The following RTL4 variants were observed in gnomAD, a reference collection of about 807,000 sequenced individuals.
RTL4 encodes retrotransposon Gag-like protein 4.
In RTL4, 4 loss-of-function variants were observed where a neutral mutation model predicts 5.3. The observed-to-expected ratio is 0.75, with a 90% CI of 0.37 to 1.72. The LOEUF is 1.72. Among genes scored for constraint, RTL4 ranks in the 40% most tolerant of loss-of-function variants. RTL4 has a pLI of 0.04. For missense variants in RTL4, 260 were observed against 227.1 expected (o/e 1.14, Z -0.93); for synonymous variants, 98 against 87.3 (o/e 1.12, Z -0.68).
chrX:112,251,070 C>T, the RTL4 span, among the ~76,000 whole-genome samples: 1 of 111,691 alleles, frequency 9.0e-6, no homozygotes, highest in Admixed American at 9.5e-5. Context: ...TTACATATAA[C>T]AACTCATTTA....
At chrX:112,195,570 A>G in the RTL4 span, among the ~76,000 whole-genome samples, 1 of 111,442 alleles carries the variant, frequency 9.0e-6, no homozygotes, top group South Asian at 3.8e-4. Context: ...TAGACCCTCT[A>G]ACTCAAAACA....
the RTL4 span, among the ~76,000 whole-genome samples, chrX:112,094,438 G>A: frequency 1.8e-5 from 2 of 110,912 alleles, no homozygotes; most frequent in African/African-American, 3.3e-5. Context: ...AAGGGGAGAT[G>A]TTAGAGAGTT....
At chrX:112,415,451 T>C in the RTL4 span, among the ~76,000 whole-genome samples, 6 of 111,703 alleles carry the variant, frequency 5.4e-5, no homozygotes, top group African/African-American at 2.0e-4. Flanking sequence ...TTATTCATTT[T>C]ACTGTAAATG....
At chrX:112,136,823 C>A in the RTL4 span, among the ~76,000 whole-genome samples, 1 of 111,577 alleles carries the variant, frequency 9.0e-6, no homozygotes, top group Admixed American at 9.5e-5. Flanking sequence ...TGTTTTTATG[C>A]CAGTTTTATA....
exon 1 of RTL4, chrX:112,454,931 C>T (rs746259319): frequency 5.8e-6 from 7 of 1,210,159 alleles, no homozygotes; most frequent in Non-Finnish European, 7.8e-6. Context: ...CATGGTGACC[C>T]TGCCAATTGC....
chrX:112,414,786 T>C, the RTL4 span, among the ~76,000 whole-genome samples: 2 of 111,639 alleles, frequency 1.8e-5, no homozygotes, highest in African/African-American at 6.5e-5. Flanking sequence ...ATGTGACAGG[T>C]TTGGCCTAAC....
chrX:112,093,839 C>A, the RTL4 span, among the ~76,000 whole-genome samples: 2 of 111,508 alleles, frequency 1.8e-5, no homozygotes, highest in Non-Finnish European at 3.8e-5. Flanking sequence ...GTGAGAACAC[C>A]TAGGCAAAAG....
At chrX:112,107,434 G>A in the RTL4 span, among the ~76,000 whole-genome samples, 47 of 111,444 alleles carry the variant, frequency 4.2e-4, no homozygotes, top group African/African-American at 1.4e-3. Flanking sequence ...TTTTCTGGTT[G>A]CTCATTAGTA....
the RTL4 span, among the ~76,000 whole-genome samples, chrX:112,259,110 ATGTT>A: frequency 9.0e-6 from 1 of 111,389 alleles, no homozygotes; most frequent in South Asian, 3.7e-4. Context: ...CTAATCTTGT[ATGTT>A]TATTTTCCAG....
the RTL4 span, among the ~76,000 whole-genome samples, chrX:112,289,381 T>A: frequency 1.8e-5 from 2 of 112,575 alleles, no homozygotes; most frequent in African/African-American, 6.5e-5. Context: ...AGAAGTATTA[T>A]AAGACAATAG....
At chrX:112,455,681 C>G in exon 1 of RTL4, 1 of 1,165,670 alleles carries the variant, frequency 8.6e-7, no homozygotes, top group South Asian at 2.0e-5. Context: ...AGGAAAGTCA[C>G]TTTTTAAACT....
chrX:112,386,446 C>A, the RTL4 span, among the ~76,000 whole-genome samples: 1 of 110,604 alleles, frequency 9.0e-6, no homozygotes. Flanking sequence ...GATTTTGGTG[C>A]ACCCATCACC....
the RTL4 span, among the ~76,000 whole-genome samples, chrX:112,241,748 T>C: frequency 8.9e-6 from 1 of 112,185 alleles, no homozygotes; most frequent in Non-Finnish European, 1.9e-5. Context: ...GCTTTTGTTG[T>C]TTCAGTCATG....
At chrX:112,231,870 T>A in the RTL4 span, among the ~76,000 whole-genome samples, 1 of 111,754 alleles carries the variant, frequency 8.9e-6, no homozygotes, top group Non-Finnish European at 1.9e-5. Context: ...TCTGAAGTTA[T>A]GTGAGGAATA....
chrX:112,356,945 A>C, the RTL4 span, among the ~76,000 whole-genome samples: 1 of 111,649 alleles, frequency 9.0e-6, no homozygotes, highest in African/African-American at 3.3e-5. Context: ...TTGGCAATTC[A>C]TATCTACTAT....
the RTL4 span, among the ~76,000 whole-genome samples, chrX:112,163,974 G>A: frequency 8.9e-6 from 1 of 111,890 alleles, no homozygotes; most frequent in African/African-American, 3.3e-5. Context: ...TGGGGAGATA[G>A]TTTAGTGACA....
At chrX:112,121,032 A>G in the RTL4 span, among the ~76,000 whole-genome samples, 1 of 111,577 alleles carries the variant, frequency 9.0e-6, no homozygotes, top group African/African-American at 3.3e-5. Flanking sequence ...AAAATAACTA[A>G]TGGGTACTGG....
At chrX:112,363,617 G>T in the RTL4 span, among the ~76,000 whole-genome samples, 4 of 111,205 alleles carry the variant, frequency 3.6e-5, no homozygotes, top group Admixed American at 2.9e-4. Context: ...TTGAATCACA[G>T]CTTTTCTACA....
chrX:112,310,355 C>T, the RTL4 span, among the ~76,000 whole-genome samples: 1 of 24,937 alleles, frequency 4.0e-5, no homozygotes. Context: ...ACCAAATTGG[C>T]CAGCACCTTT....
Sources: allele counts gnomAD v4.1 joint callset (sites outside exome capture counted in the v4.1 genomes callset), GRCh38; gene constraint gnomAD v4.1.1; transcripts MANE v1.5; gene names NCBI Gene and HGNC (gene_info 2026-07-23, HGNC 2026-07-21).